Variants in ESR1 observed in about 807,000 individuals in gnomAD.
ESR1 encodes the protein estrogen receptor 1, also known as estrogen receptor.
Under a neutral mutation model 52.7 loss-of-function variants are expected in ESR1, and 12 were observed. The observed-to-expected ratio is 0.23, with a 90% CI of 0.15 to 0.37. The LOEUF is 0.37. ESR1 is among the 10% of genes least tolerant of loss of function. The pLI is 1.00. For synonymous variants in ESR1, 305 were observed against 316.8 expected (o/e 0.96, Z 0.39); for missense variants, 584 against 779.7 (o/e 0.75, Z 2.99).
chr6:152,022,415 G>GC (rs2043744496), intron 5 of ESR1, among the ~76,000 whole-genome samples: 2 of 152,108 alleles, frequency 1.3e-5, no homozygotes, highest in African/African-American at 2.4e-5. Context: ...GTTATTCCAG[G>GC]CAGAAATTTG....
chr6:151,780,342 G>T (rs915155597), intron 2 of ESR1, among the ~76,000 whole-genome samples: 2 of 151,432 alleles, frequency 1.3e-5, no homozygotes, highest in Non-Finnish European at 2.9e-5. Context: ...ATGTATCCCA[G>T]AACTTAAGGT....
At chr6:151,901,868 T>C (rs7356921) in intron 3 of ESR1, among the ~76,000 whole-genome samples, 118,893 of 152,076 alleles carry the variant, frequency 0.78, 47,165 homozygotes, top group African/African-American at 0.9. Context: ...TATATTCCTG[T>C]AGTAGTTCTG....
At chr6:152,096,917 G>C (rs764308762) in intron 7 of ESR1, among the ~76,000 whole-genome samples, 2 of 152,264 alleles carry the variant, frequency 1.3e-5, no homozygotes, top group Non-Finnish European at 2.9e-5. Flanking sequence ...GCAGTTGGGT[G>C]TTTTTATTTG....
downstream of ESR1, among the ~76,000 whole-genome samples, chr6:152,107,352 G>A (rs897929808): frequency 6.6e-6 from 1 of 151,980 alleles, no homozygotes; most frequent in Admixed American, 6.6e-5. Context: ...CCAGGGGACT[G>A]TTTTGTTTTT....
chr6:151,923,394 A>G (rs1035476861), intron 3 of ESR1, among the ~76,000 whole-genome samples: 1 of 152,200 alleles, frequency 6.6e-6, no homozygotes, highest in Non-Finnish European at 1.5e-5. Flanking sequence ...CATTATAGTA[A>G]TATAGTTCCT....
At chr6:151,757,457 T>C (rs1270820093) in intron 2 of ESR1, among the ~76,000 whole-genome samples, 1 of 152,170 alleles carries the variant, frequency 6.6e-6, no homozygotes, top group African/African-American at 2.4e-5. Context: ...TCCTTTCTTG[T>C]ACCCCAAATG....
At chr6:151,728,007 T>C (rs1050291865) in intron 2 of ESR1, among the ~76,000 whole-genome samples, 5 of 152,150 alleles carry the variant, frequency 3.3e-5, no homozygotes, top group Admixed American at 1.3e-4. Context: ...ACAGCAACCA[T>C]GGCAGGGGAA....
chr6:152,047,857 A>C (rs543462152), intron 5 of ESR1, among the ~76,000 whole-genome samples: 9 of 150,354 alleles, frequency 6.0e-5, no homozygotes, highest in African/African-American at 1.7e-4. Context: ...TGTGGCCACT[A>C]TGTGCTCCCG....
chr6:152,085,125 C>T (rs1449298102), intron 6 of ESR1, among the ~76,000 whole-genome samples: 4 of 152,042 alleles, frequency 2.6e-5, no homozygotes, highest in Non-Finnish European at 4.4e-5. Flanking sequence ...TCGCTTTCCT[C>T]CTGAAGTGTC....
At chr6:152,006,282 A>G (rs1214858223) in intron 4 of ESR1, among the ~76,000 whole-genome samples, 2 of 151,946 alleles carry the variant, frequency 1.3e-5, no homozygotes, top group Admixed American at 6.6e-5. Context: ...CCATTTTCTT[A>G]ATTTTTTTAA....
intron 6 of ESR1, among the ~76,000 whole-genome samples, chr6:152,091,451 C>T (rs921977353): frequency 1.3e-5 from 2 of 152,152 alleles, no homozygotes; most frequent in African/African-American, 2.4e-5. Context: ...CCTGAGAGTC[C>T]GTGTTAAGAA....
chr6:152,068,441 A>G (rs754977234), intron 6 of ESR1, among the ~76,000 whole-genome samples: 1 of 152,008 alleles, frequency 6.6e-6, no homozygotes, highest in Non-Finnish European at 1.5e-5. Context: ...GGAGGAGGGG[A>G]GCTTTGAGAA....
chr6:151,820,228 A>T (rs2128188361), intron 1 of ESR1, among the ~76,000 whole-genome samples: 1 of 152,278 alleles, frequency 6.6e-6, no homozygotes, highest in African/African-American at 2.4e-5. Flanking sequence ...GTGAAGAGGA[A>T]CTGAGTGGTA....
intron 2 of ESR1, among the ~76,000 whole-genome samples, chr6:151,744,508 A>C (rs1039845504): frequency 1.3e-5 from 2 of 152,208 alleles, no homozygotes; most frequent in African/African-American, 2.4e-5. Flanking sequence ...GGCCATTTGC[A>C]TATCTTCCTT....
chr6:152,083,098 A>G (rs1197413659), intron 6 of ESR1, among the ~76,000 whole-genome samples: 1 of 141,376 alleles, frequency 7.1e-6, no homozygotes, highest in Non-Finnish European at 1.5e-5. Flanking sequence ...TTCTTCACAG[A>G]CTTGGAAAAA....
chr6:152,082,924 T>C (rs2049353562), intron 6 of ESR1, among the ~76,000 whole-genome samples: 1 of 152,124 alleles, frequency 6.6e-6, no homozygotes, highest in African/African-American at 2.4e-5. Context: ...AAGGACCTCT[T>C]CAAGGAGAAC....
intron 5 of ESR1, among the ~76,000 whole-genome samples, chr6:152,050,742 A>G (rs1419012849): frequency 6.6e-6 from 1 of 152,186 alleles, no homozygotes; most frequent in Non-Finnish European, 1.5e-5. Flanking sequence ...TAACCTTCAG[A>G]TCATTGCATT....
chr6:151,899,547 C>T (rs1193425654), intron 3 of ESR1, among the ~76,000 whole-genome samples: 5 of 149,376 alleles, frequency 3.3e-5, no homozygotes, highest in Admixed American at 6.6e-5. Context: ...ACCTCCCTCC[C>T]GGACGGGGCG....
intron 5 of ESR1, among the ~76,000 whole-genome samples, chr6:152,050,856 A>G (rs1157948168): frequency 6.6e-6 from 1 of 152,210 alleles, no homozygotes. Context: ...GCTTTTTGTC[A>G]ATTGTCAGTC....
Sources: gnomAD v4.1 joint callset for allele counts (sites outside exome capture counted in the v4.1 genomes callset) on GRCh38, gnomAD v4.1.1 for gene constraint, MANE v1.5 for transcripts, NCBI Gene and HGNC (gene_info 2026-07-23, HGNC 2026-07-21) for gene names.